Variants in DLG2 observed in about 807,000 individuals in gnomAD.
The protein encoded by DLG2 is disks large homolog 2.
In DLG2, 45 loss-of-function variants were observed where a neutral mutation model predicts 132.5. The ratio of observed to expected loss-of-function variants is 0.34; its 90% CI spans 0.27 to 0.44. DLG2 has a LOEUF of 0.44. DLG2 is among the 20% of genes least tolerant of loss of function. The pLI is 1.00. For missense variants in DLG2, 1,045 were observed against 1,196.9 expected (o/e 0.87, Z 1.87); for synonymous variants, 424 against 419.6 (o/e 1.01, Z -0.13).
intron 6 of DLG2, chr11:84,890,933 T>G (rs534314275): frequency 1.1e-4 from 16 of 152,200 alleles, no homozygotes; most frequent in Non-Finnish European, 2.1e-4. Context: ...ATGATTCCTC[T>G]TGGAATGTTG....
At chr11:84,785,340 T>A (rs2072683572) in intron 6 of DLG2, among the ~76,000 whole-genome samples, 1 of 152,116 alleles carries the variant, frequency 6.6e-6, no homozygotes, top group East Asian at 1.9e-4. Context: ...ATATCTCCCA[T>A]GAATTGGAAG....
intron 6 of DLG2, among the ~76,000 whole-genome samples, chr11:84,628,427 G>C (rs1283936689): frequency 6.6e-6 from 1 of 152,176 alleles, no homozygotes; most frequent in Non-Finnish European, 1.5e-5. Context: ...TGTGTAAATT[G>C]ATTGTATGTT....
At chr11:83,580,515 T>C (rs1474665133) in intron 19 of DLG2, among the ~76,000 whole-genome samples, 1 of 152,184 alleles carries the variant, frequency 6.6e-6, no homozygotes, top group African/African-American at 2.4e-5. Context: ...CAAGGAAAGA[T>C]ATACTGGAAT....
chr11:83,954,468 C>T (rs1489985346), intron 14 of DLG2, among the ~76,000 whole-genome samples: 2 of 152,112 alleles, frequency 1.3e-5, no homozygotes, highest in Non-Finnish European at 2.9e-5. Flanking sequence ...TGTCTCACTC[C>T]CCCCTTTCAT....
chr11:85,572,085 T>C (rs147171885), intron 3 of DLG2, among the ~76,000 whole-genome samples: 1 of 152,282 alleles, frequency 6.6e-6, no homozygotes, highest in African/African-American at 2.4e-5. Context: ...GCTCTTCTAA[T>C]CGCTACAAGC....
At chr11:85,120,741 A>G (rs1464323908) in intron 5 of DLG2, among the ~76,000 whole-genome samples, 2 of 152,072 alleles carry the variant, frequency 1.3e-5, no homozygotes, top group African/African-American at 4.8e-5. Context: ...TCTTGCTGGC[A>G]TAGATAATAA....
chr11:83,963,088 A>G, intron 13 of DLG2, 65 bp from the exon 14 acceptor site: 1 of 1,532,838 alleles, frequency 6.5e-7, no homozygotes. Flanking sequence ...GTCATGCTAT[A>G]CTTCAGAAAA....
Position 85,209,445 on chromosome 11 carries a change from C to CTTTTT in DLG2, c.187-54799_187-54795dup, listed in dbSNP as rs1164394816. 8.1e-3 allele frequency among the ~76,000 whole-genome samples: 602 copies of CTTTTT among 74,448 alleles called. 160 individuals are homozygous for CTTTTT. Among genetic ancestry groups the CTTTTT allele is most frequent in the Middle Eastern group, 0.019 (1 of 54 alleles). 48.8% of individuals were successfully genotyped at this position (74,448 alleles called of 152,430 possible). ...AACTTATGGGCACAAAGAAATCAGTCTTTTTTTTTTTTTTTTTTTTTTGAG... is the reference window on the plus strand; with the variant it reads ...AACTTATGGGCACAAAGAAATCAGTCTTTTTTTTTTTTTTTTTTTTTTTTTTTGAG... On this transcript the variant is annotated intron_variant, in intron 4 of 27. Coordinates refer to ENST00000376104, the MANE Select transcript of DLG2 (RefSeq NM_001142699.3).
At chr11:83,723,639 G>A (rs930122109) in intron 18 of DLG2, among the ~76,000 whole-genome samples, 11 of 152,242 alleles carry the variant, frequency 7.2e-5, no homozygotes, top group African/African-American at 2.2e-4. Flanking sequence ...TGGATCACCC[G>A]AGGTCAGGAG....
chr11:83,506,835 AC>A (rs1271483005), intron 21 of DLG2, among the ~76,000 whole-genome samples: 1 of 152,160 alleles, frequency 6.6e-6, no homozygotes, highest in African/African-American at 2.4e-5. Context: ...TTAACCATAG[AC>A]ATCTGATGAG....
At chr11:83,865,773 T>A (rs965108433) in intron 16 of DLG2, among the ~76,000 whole-genome samples, 32 of 152,156 alleles carry the variant, frequency 2.1e-4, no homozygotes, top group African/African-American at 7.5e-4. Context: ...AGAGCTCTGA[T>A]AAGCAAGTGG....
chr11:83,581,434 T>C (rs1046315441), intron 19 of DLG2, among the ~76,000 whole-genome samples: 11 of 152,166 alleles, frequency 7.2e-5, no homozygotes, highest in African/African-American at 2.7e-4. Flanking sequence ...TGCTCTGTTT[T>C]ATGTTAAAGA....
At chr11:84,886,762 A>C (rs1443465711) in intron 6 of DLG2, among the ~76,000 whole-genome samples, 1 of 152,158 alleles carries the variant, frequency 6.6e-6, no homozygotes, top group Non-Finnish European at 1.5e-5. Context: ...GTTTGACAGA[A>C]TGTATTTATT....
At chr11:83,628,037 C>T (rs58145775) in intron 19 of DLG2, among the ~76,000 whole-genome samples, 37,083 of 151,746 alleles carry the variant, frequency 0.24, 4,765 homozygotes, top group African/African-American at 0.34. Flanking sequence ...TGTTCATATC[C>T]TTCGCCCACT....
At chr11:83,568,637 C>T (rs746248554) in intron 19 of DLG2, among the ~76,000 whole-genome samples, 29 of 152,020 alleles carry the variant, frequency 1.9e-4, no homozygotes, top group Non-Finnish European at 1.5e-4. Flanking sequence ...AGTGGGCAGA[C>T]ACATGAAGAC....
At chr11:84,624,740 T>C (rs1219064263) in intron 6 of DLG2, among the ~76,000 whole-genome samples, 2 of 151,296 alleles carry the variant, frequency 1.3e-5, no homozygotes, top group Non-Finnish European at 2.9e-5. Flanking sequence ...GGTCAAATAG[T>C]GCAAGCACTC....
At chr11:85,093,296 C>T (rs894381433) in intron 6 of DLG2, among the ~76,000 whole-genome samples, 10 of 110,540 alleles carry the variant, frequency 9.0e-5, no homozygotes, top group African/African-American at 4.4e-4. Flanking sequence ...AATCATTTGG[C>T]AAGGGAGTTT....
chr11:85,038,668 AAT>A (rs1457261007), intron 6 of DLG2, among the ~76,000 whole-genome samples: 1 of 152,080 alleles, frequency 6.6e-6, no homozygotes, highest in Non-Finnish European at 1.5e-5. Flanking sequence ...ATAGTTTTCT[AAT>A]ACATCAAGAG....
intron 7 of DLG2, among the ~76,000 whole-genome samples, chr11:84,257,679 ATTTTTTTTTTTT>A (rs1172548999): frequency 1.9e-5 from 2 of 105,916 alleles, no homozygotes; most frequent in African/African-American, 3.7e-5. Flanking sequence ...TTATCTCTGG[ATTTTTTTTTTTT>A]TTTTTTTTTT....
Sources: gnomAD v4.1 joint callset for allele counts (sites outside exome capture counted in the v4.1 genomes callset) on GRCh38, gnomAD v4.1.1 for gene constraint, MANE v1.5 for transcripts, NCBI Gene and HGNC (gene_info 2026-07-23, HGNC 2026-07-21) for gene names.